Variants in SPATA12 observed in about 807,000 individuals in gnomAD.
SPATA12 encodes the protein spermatogenesis-associated protein 12.
For missense variants in SPATA12, 219 were observed against 226.4 expected (o/e 0.97, Z 0.21); for synonymous variants, 85 against 89.2 (o/e 0.95, Z 0.26).
chr3:57,067,928 T>C (rs1476112849), intron 1 of SPATA12, among the ~76,000 whole-genome samples: 1 of 151,836 alleles, frequency 6.6e-6, no homozygotes, highest in Non-Finnish European at 1.5e-5. Context: ...AGGCAGAGCT[T>C]GCAGTGAGCC....
intron 1 of SPATA12, among the ~76,000 whole-genome samples, chr3:57,070,456 G>A (rs778246061): frequency 6.6e-5 from 10 of 152,188 alleles, no homozygotes; most frequent in Non-Finnish European, 1.3e-4. Context: ...CTACTCAGCA[G>A]ACTCAATGAC....
chr3:57,071,042 C>T (rs1356925517), intron 1 of SPATA12, among the ~76,000 whole-genome samples: 1 of 151,424 alleles, frequency 6.6e-6, no homozygotes, highest in African/African-American at 2.4e-5. Context: ...TTCATACTTC[C>T]TGATTTCAAA....
rs1247511660 is a variant in SPATA12 at position 57,074,695 on chromosome 3, A to C, written c.*428A>C. On this transcript the variant is annotated 3_prime_UTR_variant, in exon 2 of 2. Coordinates refer to ENST00000334325, the MANE Select transcript of SPATA12 (RefSeq NM_181727.2). ...ACTTTCCCTCTGGGTAAGTGCCACT[A>C]GGTGATGAGGTGAGGTAATCAAATG... The C allele has an allele frequency of 5.2e-6, 1 of 192,192 alleles. No individual in the cohort carries two copies. Among genetic ancestry groups the C allele is most frequent in the African/African-American group, 2.4e-5 (1 of 41,960 alleles). 11.9% of individuals were successfully genotyped at this position (192,192 alleles called of 1,614,324 possible). A position where few individuals can be genotyped will look rare whatever the true frequency, so the allele number is the denominator to read the frequency against.
intron 1 of SPATA12, among the ~76,000 whole-genome samples, chr3:57,064,198 G>A (rs899162333): frequency 2.0e-5 from 3 of 152,156 alleles, no homozygotes; most frequent in African/African-American, 7.2e-5. Flanking sequence ...GAGCCTGGGG[G>A]GTAGAGGTTG....
chr3:57,071,038 C>T (rs9876094), intron 1 of SPATA12, among the ~76,000 whole-genome samples: 42,044 of 150,858 alleles, frequency 0.28, 6,830 homozygotes, highest in East Asian at 0.48. Context: ...AGGATTCATA[C>T]TTCCTGATTT....
intron 1 of SPATA12, among the ~76,000 whole-genome samples, chr3:57,072,134 G>A (rs2107405788): frequency 6.6e-6 from 1 of 152,308 alleles, no homozygotes; most frequent in East Asian, 1.9e-4. Flanking sequence ...AGTTGATGAA[G>A]ATGTGGAGAA....
rs904339813 is a variant in SPATA12, at chr3:57,074,333, G to A, written c.*66G>A. ...TTGTCTGGGCCTTTGCACATGCTAT[G>A]CCCTCCCTTCCATCCCCCACCCCCA... On this transcript the variant is annotated 3_prime_UTR_variant, in exon 2 of 2. Transcript: ENST00000334325. 4.9e-6 allele frequency: 7 copies of A among 1,431,122 alleles called. No homozygotes were observed. Among genetic ancestry groups the A allele is most frequent in the Non-Finnish European group, 6.8e-6 (7 of 1,034,104 alleles). 88.7% of individuals were successfully genotyped at this position (1,431,122 alleles called of 1,614,324 possible). A position where few individuals can be genotyped will look rare whatever the true frequency, so the allele number is the denominator to read the frequency against.
Position 57,075,219 on chromosome 3 carries a change from T to A in SPATA12, c.*952T>A, listed in dbSNP as rs959962010. The A allele has an allele frequency of 3.0e-5, 5 of 166,928 alleles. No individual in the cohort carries two copies. The highest frequency in any genetic ancestry group is 1.3e-4 in the Admixed American group (2 of 15,182). 10.3% of individuals were successfully genotyped at this position (166,928 alleles called of 1,614,324 possible). ...TCCATCCCATCACTCTGGATCTCCT[T>A]CCCCAGCTTCATCTCCATTACACTG... On this transcript the variant is annotated 3_prime_UTR_variant, in exon 2 of 2. Coordinates refer to ENST00000334325, the MANE Select transcript of SPATA12 (RefSeq NM_181727.2).
chr3:57,072,525 G>C (rs1161668016), intron 1 of SPATA12, among the ~76,000 whole-genome samples: 7 of 151,794 alleles, frequency 4.6e-5, no homozygotes, highest in African/African-American at 1.7e-4. Flanking sequence ...AGGATTGCTT[G>C]AGCTCAGGGG....
chr3:57,065,305 T>C (rs1386188424), intron 1 of SPATA12, among the ~76,000 whole-genome samples: 1 of 151,906 alleles, frequency 6.6e-6, no homozygotes, highest in East Asian at 1.9e-4. Flanking sequence ...CTACGAAAAA[T>C]ACAAAATTAG....
In SPATA12 at chr3:57,074,545, T is replaced by A. The variant is rs1706119708; in HGVS notation, c.*278T>A. On this transcript the variant is annotated 3_prime_UTR_variant, in exon 2 of 2. Transcript: ENST00000334325. The stretch of plus-strand genomic sequence containing the variant: ...AGCCCCCGGGGAACCTTCACTGTAT[T>A]AAATGACATCAATTGATCAATCAAT... The A allele has an allele frequency of 4.7e-6, 2 of 428,128 alleles. No individual in the cohort carries two copies. Among genetic ancestry groups the A allele is most frequent in the African/African-American group, 2.0e-5 (1 of 50,258 alleles). The allele number at this position is 428,128 out of a possible 1,614,324, so 26.5% of individuals were successfully genotyped here.
chr3:57,067,773 A>C (rs1051248953), intron 1 of SPATA12, among the ~76,000 whole-genome samples: 83 of 151,130 alleles, frequency 5.5e-4, no homozygotes, highest in African/African-American at 2.0e-3. Flanking sequence ...TGAGGTCAGG[A>C]GATCGAGACC....
At chr3:57,072,128 G>A (rs1218917454) in intron 1 of SPATA12, among the ~76,000 whole-genome samples, 1 of 152,174 alleles carries the variant, frequency 6.6e-6, no homozygotes, top group African/African-American at 2.4e-5. Flanking sequence ...AACAAGAGTT[G>A]ATGAAGATGT....
intron 1 of SPATA12, among the ~76,000 whole-genome samples, chr3:57,068,787 T>C (rs986809995): frequency 1.3e-5 from 2 of 152,140 alleles, no homozygotes; most frequent in Non-Finnish European, 2.9e-5. Flanking sequence ...GTTATATCAT[T>C]GTGTTTTTCC....
intron 1 of SPATA12, among the ~76,000 whole-genome samples, chr3:57,068,157 G>A (rs1001706044): frequency 1.1e-4 from 9 of 80,072 alleles, no homozygotes; most frequent in South Asian, 4.3e-4. Context: ...AGATATGCGC[G>A]CACACACACA....
chr3:57,067,997 A>AC (rs1705658601), intron 1 of SPATA12, among the ~76,000 whole-genome samples: 1 of 152,004 alleles, frequency 6.6e-6, no homozygotes, highest in African/African-American at 2.4e-5. Context: ...CTCAAAAAAA[A>AC]CAAAAACAAA....
intron 1 of SPATA12, among the ~76,000 whole-genome samples, chr3:57,070,686 C>T (rs889322803): frequency 1.3e-5 from 2 of 152,122 alleles, no homozygotes; most frequent in African/African-American, 4.8e-5. Flanking sequence ...AGGCTGGGCA[C>T]AGTGGCTAAC....
intron 1 of SPATA12, among the ~76,000 whole-genome samples, chr3:57,062,217 G>A (rs1014784229): frequency 6.6e-6 from 1 of 152,102 alleles, no homozygotes; most frequent in Non-Finnish European, 1.5e-5. Flanking sequence ...CCCTCCCCTC[G>A]CAGCTCCACA....
rs1034211934 is a variant in SPATA12 at position 57,074,358 on chromosome 3, A to G, written c.*91A>G. The G allele has an allele frequency of 9.0e-6, 10 of 1,111,180 alleles. No individual in the cohort carries two copies. The highest frequency in any genetic ancestry group is 3.1e-5 in the African/African-American group (2 of 64,028). The allele number at this position is 1,111,180 out of a possible 1,614,324, so 68.8% of individuals were successfully genotyped here. A position where few individuals can be genotyped will look rare whatever the true frequency, so the allele number is the denominator to read the frequency against. ...GCCCTCCCTTCCATCCCCCACCCCC[A>G]CCAGGGGTGACTCGTAGCCATCCCT... On this transcript the variant is annotated 3_prime_UTR_variant, in exon 2 of 2. Transcript: ENST00000334325.
Sources: gnomAD v4.1 joint callset for allele counts (sites outside exome capture counted in the v4.1 genomes callset) on GRCh38, gnomAD v4.1.1 for gene constraint, MANE v1.5 for transcripts, NCBI Gene and HGNC (gene_info 2026-07-23, HGNC 2026-07-21) for gene names.